Variants in EGFLAM observed in about 807,000 individuals in gnomAD.
EGFLAM encodes pikachurin.
In EGFLAM, 79 loss-of-function variants were observed where a neutral mutation model predicts 113.1. That is an observed-to-expected ratio of 0.70 (90% confidence interval 0.58 to 0.84). The LOEUF is 0.84. Ranked by LOEUF, EGFLAM falls within the 40% of genes least tolerant of loss-of-function variation. EGFLAM has a pLI of 0.00. For synonymous variants in EGFLAM, 504 were observed against 487.6 expected (o/e 1.03, Z -0.44); for missense variants, 1,265 against 1,291.6 (o/e 0.98, Z 0.32).
In EGFLAM at chr5:38,289,616, AC is replaced by A. The variant is rs1355119245; in HGVS notation, c.97+30766del. Among the ~76,000 whole-genome samples the A allele has an allele frequency of 2.0e-5, 3 of 152,354 alleles. No individual in the cohort carries two copies. The East Asian group carries it at 5.8e-4, about 29-fold the overall frequency. On this transcript the variant is annotated intron_variant, in intron 1 of 21. Coordinates refer to ENST00000322350, the MANE Select transcript of EGFLAM (RefSeq NM_152403.4). ...ACAAATGTTCTGTTCAAGAAATGAC[AC>A]TAACTTCCACTCACAACCATTGGCC... is the stretch of plus-strand genomic sequence containing the variant.
At chr5:38,350,411 G>T in intron 3 of EGFLAM, 90 bp from the exon 4 acceptor site, 3 of 1,239,258 alleles carry the variant, frequency 2.4e-6, no homozygotes, top group Non-Finnish European at 3.5e-6. Flanking sequence ...GTTTCACAGG[G>T]GCCTCGAGAT....
At chr5:38,320,623 CGT>C (rs1005085520) in intron 1 of EGFLAM, among the ~76,000 whole-genome samples, 5 of 151,778 alleles carry the variant, frequency 3.3e-5, no homozygotes, top group Admixed American at 6.6e-5. Flanking sequence ...CATATGCTTA[CGT>C]GTGTGTGTGT....
At chr5:38,426,308 C>T (rs1038815942) in intron 13 of EGFLAM, among the ~76,000 whole-genome samples, 1 of 152,064 alleles carries the variant, frequency 6.6e-6, no homozygotes, top group African/African-American at 2.4e-5. Flanking sequence ...TGTGCGCTCA[C>T]ACAGGCAAAT....
At chr5:38,349,918 G>T (rs1204709679) in intron 3 of EGFLAM, among the ~76,000 whole-genome samples, 1 of 148,770 alleles carries the variant, frequency 6.7e-6, no homozygotes, top group Non-Finnish European at 1.5e-5. Flanking sequence ...CTTCAGCTGG[G>T]GCTTCCTGCT....
At chr5:38,411,141 A>G (rs1191892531) in intron 10 of EGFLAM, among the ~76,000 whole-genome samples, 1 of 152,206 alleles carries the variant, frequency 6.6e-6, no homozygotes, top group African/African-American at 2.4e-5. Context: ...AGTCAAAAGA[A>G]AATGGGAGCT....
chr5:38,274,219 G>A (rs1757831784), intron 1 of EGFLAM, among the ~76,000 whole-genome samples: 1 of 152,108 alleles, frequency 6.6e-6, no homozygotes, highest in Non-Finnish European at 1.5e-5. Flanking sequence ...CGTCGAAACA[G>A]CAAATGTTTG....
intron 20 of EGFLAM, among the ~76,000 whole-genome samples, chr5:38,462,124 G>A (rs1162263613): frequency 6.6e-6 from 1 of 152,124 alleles, no homozygotes; most frequent in East Asian, 1.9e-4. Context: ...AGCCGAGATC[G>A]CGCCACTGCA....
intron 1 of EGFLAM, among the ~76,000 whole-genome samples, chr5:38,280,780 G>C (rs1306728521): frequency 6.6e-6 from 1 of 152,164 alleles, no homozygotes; most frequent in Non-Finnish European, 1.5e-5. Context: ...TTCCTGCTGG[G>C]ATCCTAATTG....
Position 38,406,848 on chromosome 5 carries a change from CA to C in EGFLAM, c.852del (p.Gly285GlufsTer34). ...TTTAGGTTAAACCACTTCCTGCTACCAAAGGAGGGAATAAGAAATTTTTGGT... is the reference window on the plus strand; with the variant it reads ...TTTAGGTTAAACCACTTCCTGCTACCAAGGAGGGAATAAGAAATTTTTGGT... ...FEEVKPLPAT[K>X]GGNKKFLVES... On this transcript the variant is annotated frameshift_variant, in exon 8 of 22. Coordinates refer to ENST00000322350, the MANE Select transcript of EGFLAM (RefSeq NM_152403.4). LOFTEE classifies it high-confidence loss of function. 1 of 1,613,860 alleles carries C rather than the reference CA, an allele frequency of 6.2e-7. No individual in the cohort carries two copies. Among genetic ancestry groups the C allele is most frequent in the Non-Finnish European group, 8.5e-7 (1 of 1,179,826 alleles).
At chr5:38,282,138 A>T (rs930244871) in intron 1 of EGFLAM, 1 of 152,200 alleles carries the variant, frequency 6.6e-6, no homozygotes, top group Non-Finnish European at 1.5e-5. Flanking sequence ...GCTGTATCTT[A>T]TACTTCCTAT....
Position 38,464,137 on chromosome 5 carries a change from C to A in EGFLAM, c.*151C>A, listed in dbSNP as rs1743390445. On this transcript the variant is annotated 3_prime_UTR_variant, in exon 22 of 22. Transcript: ENST00000322350. ...GTACACACTGATGAGAAACTGAGAA[C>A]CAAGACAGGCATCCCTGGGTGGCCT... The A allele has an allele frequency of 9.6e-7, 1 of 1,040,428 alleles. No individual in the cohort carries two copies. Among genetic ancestry groups the A allele is most frequent in the Non-Finnish European group, 1.3e-6 (1 of 741,134 alleles). The allele number at this position is 1,040,428 out of a possible 1,614,324, so 64.4% of individuals were successfully genotyped here. A position where few individuals can be genotyped will look rare whatever the true frequency, so the allele number is the denominator to read the frequency against.
In EGFLAM at chr5:38,414,011, C is replaced by T. The variant is rs773579221; in HGVS notation, c.1494+1363C>T. Among the ~76,000 whole-genome samples the T allele has an allele frequency of 5.9e-5, 9 of 152,174 alleles. No individual in the cohort carries two copies. In the East Asian group the frequency reaches 7.7e-4, roughly 13 times the overall value. On this transcript the variant is annotated intron_variant, in intron 11 of 21. Transcript: ENST00000322350. ...CTCAGGCGGAGATGCTCGCTCACCC[C>T]GCCACTCACCTTCTGCTGCGCACCC...
At chr5:38,292,488 A>G (rs1384261099) in intron 1 of EGFLAM, among the ~76,000 whole-genome samples, 1 of 152,182 alleles carries the variant, frequency 6.6e-6, no homozygotes, top group African/African-American at 2.4e-5. Context: ...TTCATCTTCC[A>G]GGTTTTGAAA....
intron 16 of EGFLAM, among the ~76,000 whole-genome samples, chr5:38,437,520 C>T (rs1272211501): frequency 6.6e-6 from 1 of 152,132 alleles, no homozygotes; most frequent in Non-Finnish European, 1.5e-5. Flanking sequence ...CCAGTGTCTC[C>T]CAGCCTGGGC....
At chr5:38,379,677 G>A (rs1246800254) in intron 6 of EGFLAM, among the ~76,000 whole-genome samples, 1 of 151,998 alleles carries the variant, frequency 6.6e-6, no homozygotes, top group Non-Finnish European at 1.5e-5. Context: ...GTGTTGGGGG[G>A]ACATTTCCTG....
In EGFLAM at chr5:38,429,675, A is replaced by G. The variant is rs575633393; in HGVS notation, c.2055-1502A>G. On this transcript the variant is annotated intron_variant, in intron 14 of 21. Coordinates refer to ENST00000322350, the MANE Select transcript of EGFLAM (RefSeq NM_152403.4). Reference sequence around the variant, plus strand: ...AATCATTTTTACAATATCAGAAAATATGGAATCTATTTCCCTCCCAATATT... The same window carrying G: ...AATCATTTTTACAATATCAGAAAATGTGGAATCTATTTCCCTCCCAATATT... Among the ~76,000 whole-genome samples, 48 of 152,352 alleles carry G rather than the reference A, an allele frequency of 3.2e-4. 2 individuals carry two copies. In the South Asian group the frequency reaches 9.5e-3, roughly 30 times the overall value.
At chr5:38,300,565 G>A (rs1296054978) in intron 1 of EGFLAM, among the ~76,000 whole-genome samples, 3 of 152,030 alleles carry the variant, frequency 2.0e-5, no homozygotes, top group African/African-American at 7.2e-5. Context: ...TAGTACAGAC[G>A]AGCTTTCACC....
chr5:38,296,218 G>A (rs1758450481), intron 1 of EGFLAM, among the ~76,000 whole-genome samples: 1 of 152,182 alleles, frequency 6.6e-6, no homozygotes, highest in African/African-American at 2.4e-5. Context: ...GAGGAGCCAA[G>A]GCGGAAAGAA....
At chr5:38,414,067 G>A (rs1192373621) in intron 11 of EGFLAM, among the ~76,000 whole-genome samples, 4 of 152,194 alleles carry the variant, frequency 2.6e-5, no homozygotes, top group Non-Finnish European at 4.4e-5. Context: ...ACTGGTATGG[G>A]TCCATGGCCC....
Sources: allele counts gnomAD v4.1 joint callset (sites outside exome capture counted in the v4.1 genomes callset), GRCh38; gene constraint gnomAD v4.1.1; transcripts MANE v1.5; gene names NCBI Gene and HGNC (gene_info 2026-07-23, HGNC 2026-07-21).